HIF3A: variants seen among roughly 807,000 people sequenced by gnomAD.
HIF3A encodes the protein hypoxia-inducible factor 3-alpha.
Under a neutral mutation model 67.2 loss-of-function variants are expected in HIF3A, and 41 were observed. The ratio of observed to expected loss-of-function variants is 0.61; its 90% CI spans 0.48 to 0.79. The LOEUF (loss-of-function observed/expected upper bound fraction) is 0.79. HIF3A is among the 30% of genes least tolerant of loss of function. HIF3A has a pLI of 0.00. For synonymous variants in HIF3A, 356 were observed against 374.8 expected (o/e 0.95, Z 0.58); for missense variants, 855 against 898.0 (o/e 0.95, Z 0.61).
chr19:46,342,417 T>C lies in HIF3A; in HGVS notation c.*2795T>C, dbSNP rs543651940. The C allele has an allele frequency of 1.9e-4, 28 of 147,784 alleles. No individual in the cohort carries two copies. The highest frequency in any genetic ancestry group is 7.0e-4 in the African/African-American group (28 of 39,872). The allele number at this position is 147,784 out of a possible 1,614,324, so 9.2% of individuals were successfully genotyped here. A position where few individuals can be genotyped will look rare whatever the true frequency, so the allele number is the denominator to read the frequency against. On this transcript the variant is annotated 3_prime_UTR_variant, in exon 15 of 15. Coordinates refer to ENST00000377670, the MANE Select transcript of HIF3A (RefSeq NM_152795.4). Reference sequence around the variant, plus strand: ...CTTTTTTTTGTTAAAAAAAAAAAAATAGAGACGGGGTTTCACCATGTTGCC... The same window carrying C: ...CTTTTTTTTGTTAAAAAAAAAAAAACAGAGACGGGGTTTCACCATGTTGCC...
At chr19:46,336,220 G>A (rs1787781053) in intron 14 of HIF3A, among the ~76,000 whole-genome samples, 1 of 149,762 alleles carries the variant, frequency 6.7e-6, no homozygotes, top group South Asian at 2.1e-4. Context: ...AGCCTCCCGA[G>A]TAACTGGGAC....
intron 10 of HIF3A, among the ~76,000 whole-genome samples, chr19:46,322,897 G>C (rs143046962): frequency 2.0e-5 from 3 of 152,104 alleles, no homozygotes; most frequent in Non-Finnish European, 4.4e-5. Flanking sequence ...CTTCCATGCC[G>C]TCCCGGGCAC....
At chr19:46,328,287 G>A (rs1284543593) in intron 11 of HIF3A, among the ~76,000 whole-genome samples, 1 of 152,222 alleles carries the variant, frequency 6.6e-6, no homozygotes, top group East Asian at 1.9e-4. Context: ...CATTCCAGAG[G>A]TTTAGAGGTT....
At chr19:46,298,609 C>A (rs1235134462) in intron 1 of HIF3A, 1 of 976,198 alleles carries the variant, frequency 1.0e-6, no homozygotes, top group Non-Finnish European at 1.3e-6. Context: ...TTGGGAAGTC[C>A]CTGGTGGGTA....
In HIF3A at chr19:46,327,320, CT is replaced by C. The variant is rs113938190; in HGVS notation, c.1440+1694del. Among the ~76,000 whole-genome samples, 1,335 of 141,380 alleles carry C rather than the reference CT, an allele frequency of 9.4e-3. 21 individuals carry two copies. The highest frequency in any genetic ancestry group is 0.029 in the Admixed American group (414 of 14,064). 92.8% of individuals were successfully genotyped at this position (141,380 alleles called of 152,430 possible). ...TGAGACCACTTTTTTTTTCTTTTTT[CT>C]TTTTTTTTTTTTGAAATGGAGCCTC... On this transcript the variant is annotated intron_variant, in intron 11 of 14. Coordinates refer to ENST00000377670, the MANE Select transcript of HIF3A (RefSeq NM_152795.4).
Position 46,310,702 on chromosome 19 carries a change from C to A in HIF3A, c.770+1343C>A, listed in dbSNP as rs111880227. On this transcript the variant is annotated intron_variant, in intron 6 of 14. Transcript: ENST00000377670. ...GTTCTGAGCAGCTCAGTGAGTTTCC[C>A]GGTGCAAAGCACAAGTATCTAATTT... The A allele has an allele frequency of 4.8e-4, 198 of 411,614 alleles. 1 individual carries two copies. Among genetic ancestry groups the A allele is most frequent in the African/African-American group, 3.7e-3 (175 of 47,780 alleles). 25.5% of individuals were successfully genotyped at this position (411,614 alleles called of 1,614,324 possible).
rs549840700 is a variant in HIF3A, at chr19:46,307,672, A to T, written c.364-549A>T. ...CTGAGGTGGGAGAATCACTTGAACC[A>T]GGGAGGTGGAGGTTGCAGTGAGCTG... On this transcript the variant is annotated intron_variant, in intron 3 of 14. Transcript: ENST00000377670. Among the ~76,000 whole-genome samples the T allele has an allele frequency of 7.9e-5, 12 of 151,336 alleles. No individual in the cohort carries two copies. In the East Asian group the frequency reaches 2.3e-3, roughly 30 times the overall value.
At chr19:46,326,694 G>A (rs1422734715) in intron 11 of HIF3A, among the ~76,000 whole-genome samples, 1 of 152,068 alleles carries the variant, frequency 6.6e-6, no homozygotes, top group Non-Finnish European at 1.5e-5. Flanking sequence ...TGGACTAATG[G>A]GGACAAGTCA....
intron 14 of HIF3A, 111 bp from the exon 15 acceptor site, chr19:46,339,414 T>C: frequency 1.4e-6 from 1 of 733,204 alleles, no homozygotes; most frequent in South Asian, 3.5e-5. Flanking sequence ...GTTCGAGTGT[T>C]CAATTTCCTT....
chr19:46,335,672 G>A (rs1414384079), intron 14 of HIF3A, among the ~76,000 whole-genome samples: 2 of 152,016 alleles, frequency 1.3e-5, no homozygotes, highest in Non-Finnish European at 2.9e-5. Context: ...GGAGTTCAAG[G>A]CTGCAGTGAG....
chr19:46,329,797 G>A (rs1040623151), intron 12 of HIF3A, among the ~76,000 whole-genome samples: 2 of 151,822 alleles, frequency 1.3e-5, no homozygotes, highest in African/African-American at 4.8e-5. Context: ...ATTGCCGTGT[G>A]TCAGAGAAAC....
chr19:46,337,628 A>G (rs148091897), intron 14 of HIF3A, among the ~76,000 whole-genome samples: 2,084 of 152,226 alleles, frequency 0.014, 38 homozygotes, highest in Non-Finnish European at 0.016. Context: ...GGCTGACTGC[A>G]TGGAGCCTCT....
intron 8 of HIF3A, chr19:46,320,120 C>T (rs1156482249): frequency 4.6e-6 from 1 of 215,878 alleles, no homozygotes; most frequent in African/African-American, 2.3e-5. Context: ...ATCCCAGCTA[C>T]TCGGAAGGCT....
At chr19:46,313,720 C>T (rs1332069925) in intron 8 of HIF3A, among the ~76,000 whole-genome samples, 1 of 141,500 alleles carries the variant, frequency 7.1e-6, no homozygotes, top group African/African-American at 2.6e-5. Flanking sequence ...GGCTGGATTG[C>T]ACTGGCACGA....
At chr19:46,333,950 G>A (rs1355854107) in intron 13 of HIF3A, among the ~76,000 whole-genome samples, 9 of 149,834 alleles carry the variant, frequency 6.0e-5, no homozygotes, top group Admixed American at 3.3e-4. Flanking sequence ...CTGCCACCAC[G>A]CCTGGTTATT....
chr19:46,304,629 C>G (rs917274353), intron 2 of HIF3A, among the ~76,000 whole-genome samples: 3 of 152,048 alleles, frequency 2.0e-5, no homozygotes, highest in African/African-American at 7.2e-5. Context: ...CACGTGCACG[C>G]GCGCGTGCAC....
In HIF3A at chr19:46,297,249, C is replaced by G. The variant is rs1967934104; in HGVS notation, c.26+147C>G. The G allele has an allele frequency of 2.2e-6, 1 of 464,106 alleles. No homozygotes were observed. The highest frequency in any genetic ancestry group is 2.0e-5 in the African/African-American group (1 of 50,360). 28.7% of individuals were successfully genotyped at this position (464,106 alleles called of 1,614,324 possible). Reference sequence around the variant, plus strand: ...CAGTTGGAGGCACATCCCCACCGCACTCTCCACCCTTAGGGACTGCAGGGG... The same window carrying G: ...CAGTTGGAGGCACATCCCCACCGCAGTCTCCACCCTTAGGGACTGCAGGGG... On this transcript the variant is annotated intron_variant, in intron 1 of 14. Coordinates refer to ENST00000377670, the MANE Select transcript of HIF3A (RefSeq NM_152795.4). The surrounding 1 kb of genome is among the most constrained non-coding windows in gnomAD (Gnocchi z 4.5).
chr19:46,336,083 C>G (rs1250531010), intron 14 of HIF3A, among the ~76,000 whole-genome samples: 1 of 132,518 alleles, frequency 7.5e-6, no homozygotes, highest in African/African-American at 2.9e-5. Context: ...CTCTCTCTCT[C>G]TCTTTTTTTT....
chr19:46,309,598 C>T (rs1374374280), intron 6 of HIF3A, among the ~76,000 whole-genome samples: 1 of 152,024 alleles, frequency 6.6e-6, no homozygotes, highest in Non-Finnish European at 1.5e-5. Context: ...GGGCTCAAGC[C>T]ATCCTCCCAC....
Sources: gnomAD v4.1 joint callset for allele counts (sites outside exome capture counted in the v4.1 genomes callset) on GRCh38, gnomAD v4.1.1 for gene constraint, Gnocchi (gnomAD v3.1) non-coding constraint, MANE v1.5 for transcripts, NCBI Gene and HGNC (gene_info 2026-07-23, HGNC 2026-07-21) for gene names.